The following TRAPPC12 variants were observed in gnomAD, a reference collection of about 807,000 sequenced individuals.
TRAPPC12 encodes the protein TPR repeat protein 15.
TRAPPC12 carries 61 observed loss-of-function variants against 69.2 expected under a neutral mutation model. The ratio of observed to expected loss-of-function variants is 0.88; its 90% CI spans 0.72 to 1.09. The LOEUF (loss-of-function observed/expected upper bound fraction) is 1.09. Among genes scored for constraint, TRAPPC12 ranks in the 50% least tolerant of loss-of-function variants. The pLI, the probability that TRAPPC12 is intolerant of heterozygous loss-of-function variation, is 0.00. For missense variants in TRAPPC12, 1,101 were observed against 1,016.4 expected (o/e 1.08, Z -1.13); for synonymous variants, 469 against 438.9 (o/e 1.07, Z -0.86).
At chr2:3,421,629 TG>T in intron 3 of TRAPPC12, 1 of 698,172 alleles carries the variant, frequency 1.4e-6, no homozygotes, top group Non-Finnish European at 2.7e-6. Context: ...TGAATTGTAA[TG>T]TTTTTATGAT....
At chr2:3,402,385 T>A (rs4971495) in intron 3 of TRAPPC12, among the ~76,000 whole-genome samples, 1,610 of 151,554 alleles carry the variant, frequency 0.011, 85 homozygotes, top group Admixed American at 0.088. Flanking sequence ...AGGTCAGGAG[T>A]TCAAGACCAG....
intron 6 of TRAPPC12, chr2:3,449,439 C>T (rs745785381): frequency 6.6e-6 from 1 of 152,418 alleles, no homozygotes; most frequent in South Asian, 2.1e-4. Context: ...CATCCAAGTG[C>T]TTCTTTACAG....
intron 3 of TRAPPC12, among the ~76,000 whole-genome samples, chr2:3,402,404 A>G (rs935949772): frequency 6.6e-6 from 1 of 152,266 alleles, no homozygotes; most frequent in Admixed American, 6.5e-5. Context: ...AGCCTGGCCA[A>G]CATGGTGAAC....
intron 9 of TRAPPC12, among the ~76,000 whole-genome samples, chr2:3,473,868 G>A (rs1032771361): frequency 6.6e-6 from 1 of 152,218 alleles, no homozygotes; most frequent in Non-Finnish European, 1.5e-5. Context: ...GCTGACTACA[G>A]ATTTAATATC....
intron 6 of TRAPPC12, among the ~76,000 whole-genome samples, chr2:3,445,381 T>C (rs796447321): frequency 1.2e-4 from 18 of 151,930 alleles, no homozygotes; most frequent in African/African-American, 4.3e-4. Context: ...CAAGACTCTG[T>C]CTCAAAAAAA....
intron 6 of TRAPPC12, among the ~76,000 whole-genome samples, chr2:3,446,582 C>T (rs891161833): frequency 2.0e-5 from 3 of 152,222 alleles, no homozygotes; most frequent in African/African-American, 7.2e-5. Flanking sequence ...GTTAGGGGCT[C>T]ATGGCCGCAT....
chr2:3,399,890 CAGGGGG>C (rs1661340110), intron 2 of TRAPPC12, among the ~76,000 whole-genome samples: 1 of 150,340 alleles, frequency 6.7e-6, no homozygotes, highest in African/African-American at 2.5e-5. Flanking sequence ...GAAGTCCAGG[CAGGGGG>C]CACGCAGGCT....
intron 8 of TRAPPC12, among the ~76,000 whole-genome samples, chr2:3,465,317 CAG>C (rs1269768803): frequency 2.0e-5 from 3 of 152,198 alleles, no homozygotes; most frequent in Non-Finnish European, 4.4e-5. Context: ...AAGCAGGAAA[CAG>C]ACCCTCAGGC....
chr2:3,443,847 G>A lies in TRAPPC12; in HGVS notation c.1486G>A (p.Glu496Lys). ...TCAGCAGTACCTGGGGAACCCACAG[G>A]AGTCGCTGGATAGACTGCACAAGGT... ...ELQQYLGNPQ[E>K]SLDRLHKVKT... Residue 496 changes from glutamate (E) to lysine (K), a missense_variant, in exon 6 of 12, where the codon GAG becomes AAG. Transcript: ENST00000324266. The A allele has an allele frequency of 6.2e-7, 1 of 1,614,118 alleles. No homozygotes were observed. Among genetic ancestry groups the A allele is most frequent in the Non-Finnish European group, 8.5e-7 (1 of 1,180,042 alleles).
intron 8 of TRAPPC12, among the ~76,000 whole-genome samples, chr2:3,461,154 T>A (rs1665473718): frequency 6.6e-6 from 1 of 152,206 alleles, no homozygotes; most frequent in Non-Finnish European, 1.5e-5. Flanking sequence ...GCAGGCAATT[T>A]ACCAGCGGAG....
intron 9 of TRAPPC12, chr2:3,467,300 C>T (rs1035921554): frequency 3.9e-5 from 6 of 152,136 alleles, no homozygotes; most frequent in South Asian, 2.1e-4. Flanking sequence ...GCACCCAGGC[C>T]GACTGGACTC....
chr2:3,401,328 C>A (rs563895292), intron 2 of TRAPPC12, among the ~76,000 whole-genome samples: 1 of 152,304 alleles, frequency 6.6e-6, no homozygotes, highest in East Asian at 1.9e-4. Context: ...GAAGACTATT[C>A]AGGCCTGCCT....
At chr2:3,386,540 A>G (rs1004869595) in intron 1 of TRAPPC12, among the ~76,000 whole-genome samples, 46 of 152,352 alleles carry the variant, frequency 3.0e-4, no homozygotes, top group African/African-American at 1.0e-3. Context: ...GCATATGTAT[A>G]TATAGCCAGG....
At chr2:3,461,421 G>A (rs368091709) in intron 8 of TRAPPC12, among the ~76,000 whole-genome samples, 9 of 152,348 alleles carry the variant, frequency 5.9e-5, no homozygotes, top group African/African-American at 2.2e-4. Flanking sequence ...CAGGCTGGAC[G>A]CACAAGGAGA....
chr2:3,410,779 C>T (rs1662011662), intron 3 of TRAPPC12, among the ~76,000 whole-genome samples: 2 of 152,208 alleles, frequency 1.3e-5, no homozygotes, highest in South Asian at 4.1e-4. Flanking sequence ...TGCCTGTAAT[C>T]CCAGCACTTT....
intron 3 of TRAPPC12, among the ~76,000 whole-genome samples, chr2:3,417,221 G>T (rs968216794): frequency 3.3e-5 from 5 of 152,110 alleles, no homozygotes; most frequent in African/African-American, 1.2e-4. Flanking sequence ...GGCCTGCCCT[G>T]GGTGGGTAGA....
At chr2:3,421,646 C>G in intron 3 of TRAPPC12, 3 of 707,410 alleles carry the variant, frequency 4.2e-6, no homozygotes, top group Non-Finnish European at 7.9e-6. Flanking sequence ...ATGATTTGAT[C>G]GGCTTGAACT....
intron 2 of TRAPPC12, among the ~76,000 whole-genome samples, chr2:3,394,355 G>T (rs1660994488): frequency 6.6e-6 from 1 of 152,180 alleles, no homozygotes; most frequent in African/African-American, 2.4e-5. Flanking sequence ...GGGCATGGTG[G>T]CTCACACCTG....
intron 3 of TRAPPC12, among the ~76,000 whole-genome samples, chr2:3,412,084 T>G (rs1160218730): frequency 6.6e-6 from 1 of 152,258 alleles, no homozygotes; most frequent in Non-Finnish European, 1.5e-5. Context: ...TACTGTCTTC[T>G]TGTAGTGCTA....
Sources: allele counts gnomAD v4.1 joint callset (sites outside exome capture counted in the v4.1 genomes callset), GRCh38; gene constraint gnomAD v4.1.1; transcripts MANE v1.5; gene names NCBI Gene and HGNC (gene_info 2026-07-23, HGNC 2026-07-21).